YRDC: variants seen among roughly 807,000 people sequenced by gnomAD.
YRDC encodes threonylcarbamoyl-AMP synthase.
A neutral mutation model predicts 21.5 loss-of-function variants in YRDC; 17 were observed. The ratio of observed to expected loss-of-function variants is 0.79; its 90% CI spans 0.54 to 1.19. The LOEUF (loss-of-function observed/expected upper bound fraction) is 1.19. Ranked by LOEUF, YRDC falls within the 50% of genes most tolerant of loss-of-function variation. The pLI is 0.00. For synonymous variants in YRDC, 193 were observed against 176.7 expected (o/e 1.09, Z -0.73); for missense variants, 380 against 397.1 (o/e 0.96, Z 0.37).
At position 37,807,152 on chromosome 1, in the gene YRDC, C is replaced by G. The variant is rs1432701140; in HGVS notation, c.453G>C (p.Leu151=). The G allele has an allele frequency of 6.2e-7, 1 of 1,614,140 alleles. No individual in the cohort carries two copies. The highest frequency in any genetic ancestry group is 1.7e-5 in the Admixed American group (1 of 60,036). Residue 151 remains leucine, a synonymous_variant, in exon 2 of 5, where the codon CTG becomes CTC. Transcript: ENST00000373044. ...TGAGCTCCTCCGAGCGTTCCATCAC[C>G]AGGGTCACTGGTCCTGGCAGTAGGT... The part of the protein sequence containing the change: ...LKDLLPGPVT[L]VMERSEELNK...
In YRDC at chr1:37,807,788, T is replaced by C. The variant is rs887875381; in HGVS notation, c.389+4A>G. 3.3e-6 allele frequency: 5 copies of C among 1,506,784 alleles called. No individual in the cohort carries two copies. Among genetic ancestry groups the C allele is most frequent in the Non-Finnish European group, 4.4e-6 (5 of 1,131,964 alleles). 93.3% of individuals were successfully genotyped at this position (1,506,784 alleles called of 1,614,324 possible). On this transcript the variant is annotated splice_donor_region_variant and intron_variant, in intron 1 of 4. Transcript: ENST00000373044. ...CTAGCGGGGCCGGGTCGGGGCGGCC[T>C]TACCTGTAGACGTCGGCCACGCGGC...
At chr1:37,805,364 G>A (rs1470662711) in intron 3 of YRDC, among the ~76,000 whole-genome samples, 1 of 152,182 alleles carries the variant, frequency 6.6e-6, no homozygotes, top group Non-Finnish European at 1.5e-5. Flanking sequence ...CTATGCTCCT[G>A]GATCTCACTG....
rs1417702710 is a variant in YRDC at position 37,807,764 on chromosome 1, T to C, written c.389+28A>G. Reference sequence around the variant, plus strand: ...GAAACCCCTCCCGCGGTGCCGCCCCTAGCGGGGCCGGGTCGGGGCGGCCTT... The same window carrying C: ...GAAACCCCTCCCGCGGTGCCGCCCCCAGCGGGGCCGGGTCGGGGCGGCCTT... On this transcript the variant is annotated intron_variant, in intron 1 of 4. Coordinates refer to ENST00000373044, the MANE Select transcript of YRDC (RefSeq NM_024640.4). 7 of 1,473,648 alleles carry C rather than the reference T, an allele frequency of 4.8e-6. No individual in the cohort carries two copies. In the South Asian group the frequency reaches 6.3e-5, roughly 13 times the overall value. The allele number at this position is 1,473,648 out of a possible 1,614,324, so 91.3% of individuals were successfully genotyped here.
chr1:37,804,239 G>A, intron 4 of YRDC, 63 bp downstream of exon 4: 1 of 1,572,222 alleles, frequency 6.4e-7, no homozygotes, highest in Non-Finnish European at 8.7e-7. Context: ...TCTTGTCAAA[G>A]CTTTTTTGCA....
Position 37,804,402 on chromosome 1 carries a change from C to T in YRDC, c.667G>A (p.Gly223Arg). Reference sequence around the variant, plus strand: ...CTCTGGCCATCCCCAATTTGTCCCCCATCAATAACCAAGGACAACTGAGGC... The same window carrying T: ...CTCTGGCCATCCCCAATTTGTCCCCTATCAATAACCAAGGACAACTGAGGC... Reference protein sequence around the residue: ...LWPQLSLVIDGGQIGDGQSPE... With the variant: ...LWPQLSLVIDRGQIGDGQSPE... Residue 223 changes from glycine (G) to arginine (R), a missense_variant, in exon 4 of 5, where the codon GGG becomes AGG. Around this residue, in one of 3 missense-constraint regions of YRDC, gnomAD observed 238 missense variants for 236.5 expected, o/e 1.01. Coordinates refer to ENST00000373044, the MANE Select transcript of YRDC (RefSeq NM_024640.4). 1 of 1,614,116 alleles carries T rather than the reference C, an allele frequency of 6.2e-7. No individual in the cohort carries two copies. Among genetic ancestry groups the T allele is most frequent in the South Asian group, 1.1e-5 (1 of 91,076 alleles).
intron 3 of YRDC, among the ~76,000 whole-genome samples, chr1:37,806,319 G>T (rs1345468390): frequency 3.3e-5 from 5 of 151,934 alleles, no homozygotes; most frequent in African/African-American, 1.2e-4. Flanking sequence ...TCCTGCCTCA[G>T]CCTCCCAAGT....
At chr1:37,804,506 T>C (rs1295077948) in intron 3 of YRDC, 62 bp from the exon 4 acceptor site, 1 of 1,552,044 alleles carries the variant, frequency 6.4e-7, no homozygotes, top group African/African-American at 1.4e-5. Context: ...AATGTCAAAC[T>C]GCACGCAGTC....
In YRDC at chr1:37,803,854, C is replaced by T; in HGVS notation, c.*71G>A. ...CTCCGGTGGCCTCTGCAAATGAGGC[C>T]TTGACAGTCGTCAGTGGACAGACAC... On this transcript the variant is annotated 3_prime_UTR_variant, in exon 5 of 5. Coordinates refer to ENST00000373044, the MANE Select transcript of YRDC (RefSeq NM_024640.4). The T allele has an allele frequency of 1.3e-6, 2 of 1,571,518 alleles. No individual in the cohort carries two copies. The highest frequency in any genetic ancestry group is 1.7e-6 in the Non-Finnish European group (2 of 1,145,604).
intron 3 of YRDC, among the ~76,000 whole-genome samples, chr1:37,804,688 T>C (rs2148390504): frequency 1.3e-5 from 2 of 152,318 alleles, no homozygotes; most frequent in Middle Eastern, 6.8e-3. Flanking sequence ...AATCTTGCTA[T>C]GTCAAAAGGA....
chr1:37,807,578 G>T, intron 1 of YRDC: 2 of 961,924 alleles, frequency 2.1e-6, no homozygotes, highest in East Asian at 5.6e-5. Context: ...CAAGGGAACA[G>T]GGTCCCTGCC....
chr1:37,808,142 C>T lies in YRDC; in HGVS notation c.39G>A (p.Ala13=), dbSNP rs975785672. 41 of 1,472,454 alleles carry T rather than the reference C, an allele frequency of 2.8e-5. No individual in the cohort carries two copies. Among genetic ancestry groups the T allele is most frequent in the Non-Finnish European group, 3.4e-5 (38 of 1,119,014 alleles). 91.2% of individuals were successfully genotyped at this position (1,472,454 alleles called of 1,614,324 possible). ...CGCTCAACCCCACGCTGGCAGCCAC[C>T]GCGGCCCTCATCCCCCTGCACCGAC... The part of the protein sequence containing the change: ...PARRCRGMRA[A]VAASVGLSEG... The change falls in exon 1 of 5, where the codon GCG becomes GCA. Residue 13 remains alanine (A), a synonymous_variant. Coordinates refer to ENST00000373044, the MANE Select transcript of YRDC (RefSeq NM_024640.4).
intron 1 of YRDC, chr1:37,807,466 C>T: frequency 1.7e-6 from 1 of 583,438 alleles, no homozygotes; most frequent in South Asian, 2.3e-5. Context: ...ATAGTGGGAT[C>T]AAGCTCCACG....
At chr1:37,806,488 C>CACACTG (rs1162795067) in intron 3 of YRDC, among the ~76,000 whole-genome samples, 1 of 152,214 alleles carries the variant, frequency 6.6e-6, no homozygotes, top group Non-Finnish European at 1.5e-5. Flanking sequence ...AGGCATGAGC[C>CACACTG]ACTGCCCTTG....
chr1:37,803,967 T>C lies in YRDC; in HGVS notation c.798A>G (p.Gln266=), dbSNP rs753849132. 6.2e-7 allele frequency: 1 copy of C among 1,614,122 alleles called. No individual in the cohort carries two copies. Among genetic ancestry groups the C allele is most frequent in the Non-Finnish European group, 8.5e-7 (1 of 1,180,020 alleles). Residue 266 remains glutamine (Q), a synonymous_variant, in exon 5 of 5, where the codon CAA becomes CAG. Coordinates refer to ENST00000373044, the MANE Select transcript of YRDC (RefSeq NM_024640.4). ...GTGAGGGGAGCAGTCCGTACTTCTG[T>C]TGGAGGATGGCTGTAGTACTTTCCA... ...CALESTTAIL[Q]QKYGLLPSHA...
chr1:37,804,508 C>T, intron 3 of YRDC, 64 bp from the exon 4 acceptor site: 2 of 1,548,934 alleles, frequency 1.3e-6, no homozygotes, highest in Non-Finnish European at 1.8e-6. Context: ...TGTCAAACTG[C>T]ACGCAGTCAT....
At chr1:37,807,508 T>C in intron 1 of YRDC, 1 of 600,908 alleles carries the variant, frequency 1.7e-6, no homozygotes, top group Non-Finnish European at 2.8e-6. Context: ...CGCTATTAAA[T>C]TAAGCTACTG....
chr1:37,804,503 A>C (rs1306730511), intron 3 of YRDC, 59 bp from the exon 4 acceptor site: 1 of 1,558,286 alleles, frequency 6.4e-7, no homozygotes, highest in Non-Finnish European at 8.7e-7. Context: ...AATAATGTCA[A>C]ACTGCACGCA....
intron 4 of YRDC, 111 bp from the exon 5 acceptor site, chr1:37,804,108 TCAACCCTTGATGAAA>T: frequency 6.8e-7 from 1 of 1,478,694 alleles, no homozygotes; most frequent in South Asian, 1.2e-5. Flanking sequence ...GCCCTGTTCA[TCAACCCTTGATGAAA>T]CCTTTTGAAT....
Position 37,808,161 on chromosome 1 carries a change from C to G in YRDC, c.20G>C (p.Cys7Ser). 6.8e-7 allele frequency: 1 copy of G among 1,460,440 alleles called. No homozygotes were observed. The highest frequency in any genetic ancestry group is 9.0e-7 in the Non-Finnish European group (1 of 1,111,186). The allele number at this position is 1,460,440 out of a possible 1,614,324, so 90.5% of individuals were successfully genotyped here. The change falls in exon 1 of 5, where the codon TGC becomes TCC. Residue 7 changes from cysteine to serine, a missense_variant. Physicochemically the swap from Cys to Ser is moderately radical, Grantham distance 112 (BLOSUM62 -1). This residue lies in a region of YRDC where 91 missense variants were observed against 64.7 expected (regional missense o/e 1.41). Transcript: ENST00000373044. ...AGCCACCGCGGCCCTCATCCCCCTG[C>G]ACCGACGCGCCGGAGACATCCGCCC... is the stretch of plus-strand genomic sequence containing the variant. MSPARR[C>S]RGMRAAVAAS...
Sources: gnomAD v4.1 joint callset for allele counts (sites outside exome capture counted in the v4.1 genomes callset) on GRCh38, gnomAD v4.1.1 for gene constraint, gnomAD v4.1.1 regional missense constraint, MANE v1.5 for transcripts, NCBI Gene and HGNC (gene_info 2026-07-23, HGNC 2026-07-21) for gene names.